DAAM1: variants seen among roughly 807,000 people sequenced by gnomAD.
DAAM1 encodes disheveled-associated activator of morphogenesis 1.
A neutral mutation model predicts 130.0 loss-of-function variants in DAAM1; 52 were observed. The ratio of observed to expected loss-of-function variants is 0.40; its 90% CI spans 0.32 to 0.50. The LOEUF (loss-of-function observed/expected upper bound fraction) is 0.50. Among genes scored for constraint, DAAM1 ranks in the 20% least tolerant of loss-of-function variants. The probability of loss-of-function intolerance (pLI) is 0.61; values close to 1 mark genes in which losing one functional copy is unlikely to be tolerated. For missense variants in DAAM1, 1,134 were observed against 1,303.8 expected (o/e 0.87, Z 2.01); for synonymous variants, 452 against 444.5 (o/e 1.02, Z -0.21).
At chr14:59,324,905 C>T (rs1223272603) in intron 8 of DAAM1, among the ~76,000 whole-genome samples, 1 of 152,190 alleles carries the variant, frequency 6.6e-6, no homozygotes, top group East Asian at 1.9e-4. Flanking sequence ...ACTACCTGTT[C>T]ATTTCATCGT....
rs565768673 is a variant in DAAM1 at position 59,233,649 on chromosome 14, A to G, written c.-37-29792A>G. On this transcript the variant is annotated intron_variant, in intron 1 of 24. Transcript: ENST00000360909. Reference sequence around the variant, plus strand: ...AAGCTCTTTCGTTTAATTAGATCCCATTTATCAATTTTGGCTTTTGTTGCA... The same window carrying G: ...AAGCTCTTTCGTTTAATTAGATCCCGTTTATCAATTTTGGCTTTTGTTGCA... Among the ~76,000 whole-genome samples the G allele has an allele frequency of 1.1e-4, 17 of 152,242 alleles. No homozygotes were observed. In the South Asian group the frequency reaches 3.1e-3, roughly 28 times the overall value.
At chr14:59,210,606 AATTATCTTAAC>A (rs1213600139) in intron 1 of DAAM1, among the ~76,000 whole-genome samples, 3 of 152,218 alleles carry the variant, frequency 2.0e-5, no homozygotes, top group Non-Finnish European at 4.4e-5. Context: ...TCGCATAATT[AATTATCTTAAC>A]ATACCCTCTC....
At chr14:59,311,835 T>A (rs1029682340) in intron 3 of DAAM1, among the ~76,000 whole-genome samples, 1 of 152,140 alleles carries the variant, frequency 6.6e-6, no homozygotes, top group Non-Finnish European at 1.5e-5. Context: ...GCTACAGGCA[T>A]GTGTCAACAA....
At chr14:59,359,140 C>T (rs933956943) in intron 20 of DAAM1, 3 of 272,828 alleles carry the variant, frequency 1.1e-5, no homozygotes, top group Admixed American at 9.5e-5. Flanking sequence ...AATTCTTATC[C>T]TCTTTTTAGA....
chr14:59,353,635 C>T (rs546058702), intron 18 of DAAM1, among the ~76,000 whole-genome samples: 12 of 152,226 alleles, frequency 7.9e-5, no homozygotes, highest in South Asian at 2.1e-4. Flanking sequence ...CCTTGATGGG[C>T]GCTAAGGACT....
intron 3 of DAAM1, chr14:59,291,597 A>T (rs886809577): frequency 5.3e-5 from 18 of 338,568 alleles, no homozygotes; most frequent in Non-Finnish European, 9.3e-5. Context: ...CCTGCGCTTT[A>T]CATACCAGTC....
Position 59,331,809 on chromosome 14 carries a change from C to G in DAAM1, c.1861-4C>G. 1 of 1,612,278 alleles carries G rather than the reference C, an allele frequency of 6.2e-7. No homozygotes were observed. Among genetic ancestry groups the G allele is most frequent in the Middle Eastern group, 1.7e-4 (1 of 6,050 alleles). On this transcript the variant is annotated splice_polypyrimidine_tract_variant and splice_region_variant and intron_variant, in intron 14 of 24. Coordinates refer to ENST00000360909, the MANE Select transcript of DAAM1 (RefSeq NM_001270520.2). ...TATAGCACTTATTACATTGATGTTT[C>G]TAGAACAAACTGGAAGGAACAGTAT...
chr14:59,231,789 G>C (rs947989649), intron 1 of DAAM1, among the ~76,000 whole-genome samples: 9 of 152,102 alleles, frequency 5.9e-5, no homozygotes, highest in African/African-American at 2.2e-4. Context: ...CTATATTGTT[G>C]GTCAACACCG....
rs530590915 is a variant in DAAM1, at chr14:59,199,607, C to T, written c.-38+10839C>T. 3.3e-4 allele frequency among the ~76,000 whole-genome samples: 51 copies of T among 152,308 alleles called. 2 individuals are homozygous for T. In the South Asian group the frequency reaches 0.01, roughly 30 times the overall value. On this transcript the variant is annotated intron_variant, in intron 1 of 24. Coordinates refer to ENST00000360909, the MANE Select transcript of DAAM1 (RefSeq NM_001270520.2). ...TTTATGTGATATTTATCTCCTTGGC[C>T]CTTGAAGACATTGAGTTTGTGATTC...
intron 1 of DAAM1, among the ~76,000 whole-genome samples, chr14:59,212,571 C>G (rs1037797496): frequency 6.6e-6 from 1 of 152,192 alleles, no homozygotes; most frequent in Non-Finnish European, 1.5e-5. Flanking sequence ...TCCCCCACTT[C>G]CTATTCCTTC....
At chr14:59,212,284 T>A (rs1161121275) in intron 1 of DAAM1, among the ~76,000 whole-genome samples, 1 of 152,218 alleles carries the variant, frequency 6.6e-6, no homozygotes, top group Non-Finnish European at 1.5e-5. Flanking sequence ...GTTATAAACT[T>A]TTTTGAAGTC....
intron 2 of DAAM1, among the ~76,000 whole-genome samples, chr14:59,288,788 A>T (rs1046556287): frequency 4.0e-5 from 6 of 151,094 alleles, no homozygotes; most frequent in Non-Finnish European, 7.4e-5. Context: ...GGAAACTTAC[A>T]ATCATGGCAG....
intron 1 of DAAM1, among the ~76,000 whole-genome samples, chr14:59,260,142 T>C (rs1374791163): frequency 6.6e-6 from 1 of 152,250 alleles, no homozygotes; most frequent in Non-Finnish European, 1.5e-5. Context: ...CAACTAGTCC[T>C]TTACCACAGA....
intron 3 of DAAM1, among the ~76,000 whole-genome samples, chr14:59,303,624 C>T (rs772753384): frequency 9.9e-5 from 15 of 152,134 alleles, no homozygotes; most frequent in African/African-American, 1.9e-4. Context: ...GGGCCAGGTG[C>T]GATGGCTAAC....
At chr14:59,210,642 G>A (rs1029426037) in intron 1 of DAAM1, among the ~76,000 whole-genome samples, 2 of 152,176 alleles carry the variant, frequency 1.3e-5, no homozygotes, top group Non-Finnish European at 2.9e-5. Flanking sequence ...TTATCTGGAG[G>A]GAAACCTCAG....
chr14:59,253,081 T>C (rs1179798587), intron 1 of DAAM1, among the ~76,000 whole-genome samples: 1 of 152,248 alleles, frequency 6.6e-6, no homozygotes, highest in Non-Finnish European at 1.5e-5. Context: ...TGTTTCATTC[T>C]GTGTTGAAAT....
chr14:59,342,511 T>C (rs1322234186), intron 16 of DAAM1, among the ~76,000 whole-genome samples: 1 of 152,230 alleles, frequency 6.6e-6, no homozygotes, highest in Non-Finnish European at 1.5e-5. Flanking sequence ...GGCAATTTAT[T>C]ACTATGCACA....
intron 1 of DAAM1, among the ~76,000 whole-genome samples, chr14:59,256,368 C>T (rs1267539024): frequency 6.6e-6 from 1 of 152,298 alleles, no homozygotes; most frequent in Admixed American, 6.5e-5. Context: ...CATTGAGAGT[C>T]TTGCCTGTTT....
intron 1 of DAAM1, among the ~76,000 whole-genome samples, chr14:59,252,004 C>CATTG (rs1881666570): frequency 6.6e-6 from 1 of 152,140 alleles, no homozygotes; most frequent in Non-Finnish European, 1.5e-5. Context: ...GAGCAGCAGG[C>CATTG]ATTGTGGAGA....
Sources: gnomAD v4.1 joint callset for allele counts (sites outside exome capture counted in the v4.1 genomes callset) on GRCh38, gnomAD v4.1.1 for gene constraint, MANE v1.5 for transcripts, NCBI Gene and HGNC (gene_info 2026-07-23, HGNC 2026-07-21) for gene names.